Variants in SPON1 observed in about 807,000 individuals in gnomAD.
The protein encoded by SPON1 is spondin 1.
A neutral mutation model predicts 111.7 loss-of-function variants in SPON1; 52 were observed. That is an observed-to-expected ratio of 0.47 (90% CI 0.37 to 0.59). The LOEUF is 0.59. SPON1 is among the 20% of genes least tolerant of loss of function. The pLI, the probability that SPON1 is intolerant of heterozygous loss-of-function variation, is 0.00. For missense variants in SPON1, 957 were observed against 1,068.5 expected, an observed-to-expected ratio of 0.90 and a Z score of 1.46; for synonymous variants, 410 against 395.8, an observed-to-expected ratio of 1.04 and a Z score of -0.43.
chr11:14,064,809 G>A (rs781986173), intron 3 of SPON1, among the ~76,000 whole-genome samples: 8 of 152,118 alleles, frequency 5.3e-5, no homozygotes, highest in Non-Finnish European at 1.0e-4. Context: ...GGAGGTTACT[G>A]CAGTAATTAA....
intron 6 of SPON1, among the ~76,000 whole-genome samples, chr11:14,212,943 C>A (rs541512944): frequency 6.6e-6 from 1 of 152,184 alleles, no homozygotes; most frequent in Non-Finnish European, 1.5e-5. Flanking sequence ...GCCATCTAGA[C>A]TCTTCTTGCC....
At chr11:14,240,840 T>G (rs992338220) in intron 6 of SPON1, among the ~76,000 whole-genome samples, 3 of 152,292 alleles carry the variant, frequency 2.0e-5, no homozygotes, top group African/African-American at 7.2e-5. Flanking sequence ...GGATCTGATA[T>G]CTTGGATTTC....
At chr11:13,994,922 A>G (rs917120889) in intron 2 of SPON1, among the ~76,000 whole-genome samples, 2 of 152,220 alleles carry the variant, frequency 1.3e-5, no homozygotes, top group African/African-American at 4.8e-5. Flanking sequence ...TTCTCTATAT[A>G]GTATAACTTT....
At chr11:14,101,314 T>C (rs1451271745) in intron 5 of SPON1, among the ~76,000 whole-genome samples, 1 of 152,020 alleles carries the variant, frequency 6.6e-6, no homozygotes, top group African/African-American at 2.4e-5. Context: ...GCAGGAGAAT[T>C]GCTTGAACCC....
At chr11:14,196,738 G>C (rs1554935124) in intron 6 of SPON1, among the ~76,000 whole-genome samples, 1 of 152,156 alleles carries the variant, frequency 6.6e-6, no homozygotes, top group Non-Finnish European at 1.5e-5. Context: ...CAGAACTTTT[G>C]AGTAGAGAAT....
Position 14,072,115 on chromosome 11 carries a change from C to T in SPON1, c.480-3230C>T, listed in dbSNP as rs189716953. Among the ~76,000 whole-genome samples, 714 of 152,172 alleles carry T rather than the reference C, an allele frequency of 4.7e-3. 4 individuals are homozygous for T. The highest frequency in any genetic ancestry group is 0.01 in the Middle Eastern group (3 of 294). The stretch of plus-strand genomic sequence containing the variant: ...AAGTTTCTGAATTCCAAAACATATT[C>T]CAGACCACGGGTTTTGGGTGAAGAA... On this transcript the variant is annotated intron_variant, in intron 3 of 15. Transcript: ENST00000576479.
intron 5 of SPON1, among the ~76,000 whole-genome samples, chr11:14,121,930 T>C (rs1211419953): frequency 6.6e-6 from 1 of 152,112 alleles, no homozygotes; most frequent in Non-Finnish European, 1.5e-5. Flanking sequence ...TTCATTGTCT[T>C]CTAGTTTGCC....
chr11:14,133,970 G>A (rs1247043966), intron 5 of SPON1, among the ~76,000 whole-genome samples: 1 of 152,114 alleles, frequency 6.6e-6, no homozygotes, highest in Non-Finnish European at 1.5e-5. Flanking sequence ...TGGCCCTGGA[G>A]CAGAGGGCCA....
intron 2 of SPON1, among the ~76,000 whole-genome samples, chr11:14,006,252 T>C (rs1554913112): frequency 6.6e-6 from 1 of 152,184 alleles, no homozygotes; most frequent in African/African-American, 2.4e-5. Context: ...TTTGGGACTA[T>C]GGGCTTTATC....
Position 14,053,419 on chromosome 11 carries a change from CT to C in SPON1, c.479+11772del, listed in dbSNP as rs201822446. On this transcript the variant is annotated intron_variant, in intron 3 of 15. Transcript: ENST00000576479. ...ACAATGTGTGACCTTTTGTGTCTAG[CT>C]TTTTTTCACTTAACATAATGTTTTT... Among the ~76,000 whole-genome samples the C allele has an allele frequency of 7.2e-3, 1,098 of 152,234 alleles. 14 individuals carry two copies. Among genetic ancestry groups the C allele is most frequent in the African/African-American group, 0.024 (987 of 41,546 alleles).
intron 3 of SPON1, among the ~76,000 whole-genome samples, chr11:14,067,298 C>A (rs537924546): frequency 6.6e-6 from 1 of 152,282 alleles, no homozygotes; most frequent in South Asian, 2.1e-4. Context: ...CTCCCTATAT[C>A]CCACCATGCC....
At chr11:14,105,166 CT>C (rs1159818490) in intron 5 of SPON1, among the ~76,000 whole-genome samples, 1 of 151,842 alleles carries the variant, frequency 6.6e-6, no homozygotes, top group African/African-American at 2.4e-5. Flanking sequence ...TTTTTCTAAT[CT>C]TCAATGTTTT....
intron 6 of SPON1, among the ~76,000 whole-genome samples, chr11:14,153,740 C>T (rs1847811898): frequency 6.6e-6 from 1 of 152,102 alleles, no homozygotes. Flanking sequence ...TTCAAATGCC[C>T]AAATCCCAAG....
At chr11:14,138,230 G>A (rs782495377) in intron 6 of SPON1, among the ~76,000 whole-genome samples, 3 of 151,902 alleles carry the variant, frequency 2.0e-5, no homozygotes, top group Non-Finnish European at 4.4e-5. Flanking sequence ...ATAAACTTAC[G>A]GCTCACTGCA....
rs917268798 is a variant in SPON1 at position 14,259,736 on chromosome 11, A to G, written c.1831+35A>G. On this transcript the variant is annotated intron_variant, in intron 13 of 15. Transcript: ENST00000576479. The surrounding 1 kb of genome is among the most constrained non-coding windows in gnomAD (Gnocchi z 5.0). Reference sequence around the variant, plus strand: ...AGCGGGGGTGGACTTGGAGGAGGCCACTGGGGACAGGCGTGGAGGGCCATG... The same window carrying G: ...AGCGGGGGTGGACTTGGAGGAGGCCGCTGGGGACAGGCGTGGAGGGCCATG... 1.0e-5 allele frequency: 16 copies of G among 1,553,000 alleles called. No individual in the cohort carries two copies. The East Asian group carries it at 3.1e-4, about 30-fold the overall frequency.
In SPON1 at chr11:14,265,693, G is replaced by C; in HGVS notation, c.*6G>C. 1 of 1,612,576 alleles carries C rather than the reference G, an allele frequency of 6.2e-7. No homozygotes were observed. The highest frequency in any genetic ancestry group is 8.5e-7 in the Non-Finnish European group (1 of 1,179,314). ...GCAATGTTCATCCTTGTTAGCAAGG[G>C]TACGAGTTCCCCAGGGCTGCACTCT... On this transcript the variant is annotated 3_prime_UTR_variant, in exon 16 of 16. Coordinates refer to ENST00000576479, the MANE Select transcript of SPON1 (RefSeq NM_006108.4).
chr11:14,209,019 T>G (rs2133900749), intron 6 of SPON1, among the ~76,000 whole-genome samples: 1 of 152,346 alleles, frequency 6.6e-6, no homozygotes, highest in South Asian at 2.1e-4. Flanking sequence ...AAGTGGCGAT[T>G]CTGATTTAAA....
chr11:14,097,535 C>T (rs1233252858), intron 5 of SPON1, among the ~76,000 whole-genome samples: 2 of 152,118 alleles, frequency 1.3e-5, no homozygotes, highest in Non-Finnish European at 2.9e-5. Context: ...CTCGTTATTC[C>T]CATTTATTGT....
intron 5 of SPON1, among the ~76,000 whole-genome samples, chr11:14,127,605 C>T (rs79345753): frequency 0.022 from 3,316 of 152,314 alleles, 123 homozygotes; most frequent in African/African-American, 0.075. Flanking sequence ...TGTCATAACT[C>T]GCCTGCCTCT....
Sources: gnomAD v4.1 joint callset for allele counts (sites outside exome capture counted in the v4.1 genomes callset) on GRCh38, gnomAD v4.1.1 for gene constraint, Gnocchi (gnomAD v3.1) non-coding constraint, MANE v1.5 for transcripts, NCBI Gene and HGNC (gene_info 2026-07-23, HGNC 2026-07-21) for gene names.